TELO2: variants seen among roughly 807,000 people sequenced by gnomAD.
The protein encoded by TELO2 is telomere maintenance 2.
In TELO2, 71 loss-of-function variants were observed where a neutral mutation model predicts 91.0. The ratio of observed to expected loss-of-function variants is 0.78; its 90% confidence interval spans 0.64 to 0.95. The LOEUF (loss-of-function observed/expected upper bound fraction) is 0.95, where lower values mean the gene tolerates loss of function less well. Among genes scored for constraint, TELO2 ranks in the 40% least tolerant of loss-of-function variants. The pLI, the probability that TELO2 is intolerant of heterozygous loss-of-function variation, is 0.00. For missense variants in TELO2, 1,183 were observed against 1,141.3 expected (o/e 1.04, Z -0.53); for synonymous variants, 584 against 518.9 (o/e 1.13, Z -1.71).
chr16:1,505,654 G>GGC lies in TELO2; in HGVS notation c.2034+53_2034+54insGC. The GGC allele has an allele frequency of 1.5e-6, 1 of 666,574 alleles. No individual in the cohort carries two copies. Among genetic ancestry groups the GGC allele is most frequent in the Non-Finnish European group, 2.6e-6 (1 of 378,978 alleles). 41.3% of individuals were successfully genotyped at this position (666,574 alleles called of 1,614,324 possible). ...GGGCATGGGGACCGTGGGTGGGTGG[G>GGC]AAGGGCGGTCAGACACCTCCAGGCG... On this transcript the variant is annotated intron_variant, in intron 16 of 20. Transcript: ENST00000262319. The surrounding 1 kb of genome is among the most constrained non-coding windows in gnomAD (Gnocchi z 4.3).
chr16:1,505,025 G>T lies in TELO2; in HGVS notation c.1843-385G>T. 1 of 184,354 alleles carries T rather than the reference G, an allele frequency of 5.4e-6. No individual in the cohort carries two copies. Among genetic ancestry groups the T allele is most frequent in the East Asian group, 1.3e-4 (1 of 7,454 alleles). 11.4% of individuals were successfully genotyped at this position (184,354 alleles called of 1,614,324 possible). A position where few individuals can be genotyped will look rare whatever the true frequency, so the allele number is the denominator to read the frequency against. ...GAGATGGAGGCGCACATGGGTCCTT[G>T]GTGCCTTCTCTGCAATGTTCTGAGG... On this transcript the variant is annotated intron_variant, in intron 15 of 20. Coordinates refer to ENST00000262319, the MANE Select transcript of TELO2 (RefSeq NM_016111.4). This position sits in a 1 kb window ranked among gnomAD's most constrained non-coding sequence, Gnocchi z 4.3.
rs1596261555 is a variant in TELO2, at chr16:1,502,040, C to G, written c.1473-7C>G. ...GGGCTGCTCATGTCTGCTTTGCTCT[C>G]CCACAGCGATGATGAGTTTGTCCCC... On this transcript the variant is annotated splice_region_variant and splice_polypyrimidine_tract_variant and intron_variant, in intron 11 of 20. Coordinates refer to ENST00000262319, the MANE Select transcript of TELO2 (RefSeq NM_016111.4). The G allele has an allele frequency of 6.2e-7, 1 of 1,613,312 alleles. No individual in the cohort carries two copies. The highest frequency in any genetic ancestry group is 1.6e-4 in the Middle Eastern group (1 of 6,062).
In TELO2 at chr16:1,502,946, A is replaced by T. The variant is rs1373456863; in HGVS notation, c.1786A>T (p.Thr596Ser). The T allele has an allele frequency of 6.2e-7, 1 of 1,611,358 alleles. No individual in the cohort carries two copies. The highest frequency in any genetic ancestry group is 1.3e-5 in the African/African-American group (1 of 75,030). Residue 596 changes from threonine to serine, a missense_variant, in exon 15 of 21, where the codon ACC becomes TCC. Coordinates refer to ENST00000262319, the MANE Select transcript of TELO2 (RefSeq NM_016111.4). The stretch of plus-strand genomic sequence containing the variant: ...GTGTCCTCAGGTGGCCGACTATCTG[A>T]CCTCACAGTTCTATGCCCTCAACTA... ...TDPAPVADYL[T>S]SQFYALNYSL...
Position 1,506,988 on chromosome 16 carries a change from G to T in TELO2, c.2163G>T (p.Gln721His). The change falls in exon 18 of 21, where the codon CAG becomes CAT. Residue 721 changes from glutamine (Q) to histidine (H), a missense_variant. By Grantham distance (24) the Gln-to-His change is conservative. Transcript: ENST00000262319. ...LVTFDLLGED[Q>H]LVLGRLAHTL... ...CCTTCGACCTCTTGGGAGAAGACCA[G>T]CTGGTTCTCGGAAGGCTGGCGCACA... 19 of 1,612,240 alleles carry T rather than the reference G, an allele frequency of 1.2e-5. No individual in the cohort carries two copies. The highest frequency in any genetic ancestry group is 2.2e-5 in the East Asian group (1 of 44,864).
chr16:1,509,402 A>C (rs2040038789), intron 20 of TELO2, among the ~76,000 whole-genome samples: 1 of 152,190 alleles, frequency 6.6e-6, no homozygotes, highest in Non-Finnish European at 1.5e-5. Context: ...CACTGCGGGC[A>C]GCCAAGAGCT....
rs572070839 is a variant in TELO2, at chr16:1,497,766, C to A, written c.830+258C>A. On this transcript the variant is annotated intron_variant, in intron 5 of 20. Transcript: ENST00000262319. The surrounding 1 kb of genome is among the most constrained non-coding windows in gnomAD (Gnocchi z 4.0). ...CCGTAAAGGCGCCTGTACCTTGGGC[C>A]GTCCACCCGTCCTGCGCCTGTGGTC... 1.3e-5 allele frequency among the ~76,000 whole-genome samples: 2 copies of A among 152,218 alleles called. No homozygotes were observed. Among genetic ancestry groups the A allele is most frequent in the African/African-American group, 4.8e-5 (2 of 41,456 alleles).
chr16:1,496,945 T>G (rs1596252063), intron 3 of TELO2, 91 bp from the exon 4 acceptor site: 1 of 1,324,974 alleles, frequency 7.5e-7, no homozygotes, highest in South Asian at 1.3e-5. Flanking sequence ...TCGGTTGGAG[T>G]CCGCCTGACC....
intron 12 of TELO2, 75 bp downstream of exon 12, chr16:1,502,210 G>T: frequency 6.3e-7 from 1 of 1,591,260 alleles, no homozygotes; most frequent in Non-Finnish European, 8.6e-7. Context: ...GCCTCAAGGG[G>T]CCACCGGGAA....
Position 1,494,710 on chromosome 16 carries a change from T to A in TELO2, c.335+94T>A. ...GGACCAAGAGCCTCTCTAGTCCCTG[T>A]GAGGGGCTAGAGAGAGAGCCTGCTC... is the stretch of plus-strand genomic sequence containing the variant. On this transcript the variant is annotated intron_variant, in intron 2 of 20. Coordinates refer to ENST00000262319, the MANE Select transcript of TELO2 (RefSeq NM_016111.4). The surrounding 1 kb of genome is among the most constrained non-coding windows in gnomAD (Gnocchi z 5.6). The A allele has an allele frequency of 1.2e-5, 15 of 1,282,726 alleles. No homozygotes were observed. Among genetic ancestry groups the A allele is most frequent in the African/African-American group, 1.5e-5 (1 of 67,078 alleles). The allele number at this position is 1,282,726 out of a possible 1,614,324, so 79.5% of individuals were successfully genotyped here.
At chr16:1,501,624 G>A (rs1247726270) in intron 10 of TELO2, 39 bp from the exon 11 acceptor site, 5 of 1,584,266 alleles carry the variant, frequency 3.2e-6, no homozygotes, top group Admixed American at 1.8e-5. Flanking sequence ...AGAGGCTCGA[G>A]GGGCCCCTAA....
intron 11 of TELO2, 104 bp from the exon 12 acceptor site, chr16:1,501,943 G>A (rs1596261318): frequency 2.0e-6 from 3 of 1,533,306 alleles, no homozygotes; most frequent in East Asian, 4.5e-5. Flanking sequence ...CAGGGGCCGA[G>A]GCGTGAGCTC....
chr16:1,500,940 T>A (rs1331309688), intron 9 of TELO2, among the ~76,000 whole-genome samples: 1 of 152,196 alleles, frequency 6.6e-6, no homozygotes, highest in Non-Finnish European at 1.5e-5. Context: ...GTTCACAGAC[T>A]CTCTCTAGAC....
Position 1,502,771 on chromosome 16 carries a change from C to A in TELO2, c.1770+10C>A. ...CACAGACCCGGCCCCGGTGAGTTCC[C>A]GCACCCGTGGCCCTGGCCAGTGCAG... is the stretch of plus-strand genomic sequence containing the variant. On this transcript the variant is annotated intron_variant, in intron 14 of 20. Transcript: ENST00000262319. The A allele has an allele frequency of 6.2e-7, 1 of 1,610,514 alleles. No individual in the cohort carries two copies. Among genetic ancestry groups the A allele is most frequent in the South Asian group, 1.1e-5 (1 of 91,012 alleles).
At position 1,494,319 on chromosome 16, in the gene TELO2, G is replaced by C. The variant is rs1428435780; in HGVS notation, c.38G>C (p.Arg13Pro). The change falls in exon 2 of 21, where the codon CGG (arginine) becomes CCG (proline). Residue 13 changes from arginine to proline, a missense_variant. Arg to Pro is a moderately radical substitution (Grantham distance 103). Coordinates refer to ENST00000262319, the MANE Select transcript of TELO2 (RefSeq NM_016111.4). This position sits in a 1 kb window ranked among gnomAD's most constrained non-coding sequence, Gnocchi z 5.6. ...PAPSEVRLAV[R>P]EAIHALSSSE... ...CCCTCAGAGGTTCGACTCGCCGTCC[G>C]GGAAGCCATTCATGCCCTCTCGTCT... 6.2e-7 allele frequency: 1 copy of C among 1,613,328 alleles called. No individual in the cohort carries two copies. The highest frequency in any genetic ancestry group is 8.5e-7 in the Non-Finnish European group (1 of 1,179,962).
rs748175503 is a variant in TELO2 at position 1,501,700 on chromosome 16, G to C, written c.1399G>C (p.Glu467Gln). The C allele has an allele frequency of 6.2e-7, 1 of 1,612,888 alleles. No individual in the cohort carries two copies. Among genetic ancestry groups the C allele is most frequent in the African/African-American group, 1.3e-5 (1 of 75,028 alleles). ...TCCAGCCACGGCAGAGCCCCCTGCA[G>C]AGACCCCCGCAGAGATCGTGGATGG... ...LVPATAEPPAETPAEIVDGGV... is the reference protein window; with the variant it reads ...LVPATAEPPAQTPAEIVDGGV... The change falls in exon 11 of 21, where the codon GAG (glutamate) becomes CAG (glutamine). Residue 467 changes from glutamate (E) to glutamine (Q), a missense_variant. Glu to Gln is a conservative substitution (Grantham distance 29). Transcript: ENST00000262319.
intron 15 of TELO2, among the ~76,000 whole-genome samples, chr16:1,504,452 AAAAGG>A (rs1359174233): frequency 6.7e-6 from 1 of 149,554 alleles, no homozygotes; most frequent in Non-Finnish European, 1.5e-5. Flanking sequence ...AAAAAAAAAA[AAAAGG>A]GAGGGGAGGG....
Position 1,494,374 on chromosome 16 carries a change from C to G in TELO2, c.93C>G (p.Thr31=), listed in dbSNP as rs1385788380. The G allele has an allele frequency of 6.2e-7, 1 of 1,613,426 alleles. No homozygotes were observed. The highest frequency in any genetic ancestry group is 8.5e-7 in the Non-Finnish European group (1 of 1,180,020). ...AGGATGGCGGCCACATCTTCTGCACCCTGGAGTCCCTGAAGCGGTATCTCG... is the reference window on the plus strand; with the variant it reads ...AGGATGGCGGCCACATCTTCTGCACGCTGGAGTCCCTGAAGCGGTATCTCG... The part of the protein sequence containing the change: ...SSEDGGHIFC[T]LESLKRYLGE... The change falls in exon 2 of 21, where the codon ACC becomes ACG. Residue 31 remains threonine (T), a synonymous_variant. Transcript: ENST00000262319. The surrounding 1 kb of genome is among the most constrained non-coding windows in gnomAD (Gnocchi z 5.6).
In TELO2 at chr16:1,494,938, C is replaced by T. The variant is rs73495644; in HGVS notation, c.335+322C>T. Among the ~76,000 whole-genome samples the T allele has an allele frequency of 0.014, 2,152 of 152,300 alleles. 62 individuals are homozygous for T. Among genetic ancestry groups the T allele is most frequent in the African/African-American group, 0.049 (2,024 of 41,562 alleles). ...AGGTTTTCCAGGGAAGCACAGCTGT[C>T]ATCACTGACACGTGTCCCATGTGGA... On this transcript the variant is annotated intron_variant, in intron 2 of 20. Coordinates refer to ENST00000262319, the MANE Select transcript of TELO2 (RefSeq NM_016111.4). The surrounding 1 kb of genome is among the most constrained non-coding windows in gnomAD (Gnocchi z 5.6).
chr16:1,503,913 C>G (rs567649065), intron 15 of TELO2, among the ~76,000 whole-genome samples: 18 of 152,054 alleles, frequency 1.2e-4, no homozygotes, highest in African/African-American at 3.9e-4. Flanking sequence ...GGGAGGATTG[C>G]TCAAGCCCAG....
Sources: gnomAD v4.1 joint callset for allele counts (sites outside exome capture counted in the v4.1 genomes callset) on GRCh38, gnomAD v4.1.1 for gene constraint, Gnocchi (gnomAD v3.1) non-coding constraint, MANE v1.5 for transcripts, NCBI Gene and HGNC (gene_info 2026-07-23, HGNC 2026-07-21) for gene names.